The following RBFOX1 variants were observed in gnomAD, a reference collection of about 807,000 sequenced individuals.
The protein encoded by RBFOX1 is RNA binding protein fox-1 homolog 1.
Under a neutral mutation model 57.7 loss-of-function variants are expected in RBFOX1, and 8 were observed. The observed-to-expected ratio is 0.14, with a 90% CI of 0.08 to 0.25. The LOEUF (loss-of-function observed/expected upper bound fraction) is 0.25. Ranked by LOEUF, RBFOX1 falls within the 10% of genes least tolerant of loss-of-function variation. The pLI is 1.00. For missense variants in RBFOX1, 611 were observed against 548.5 expected, an observed-to-expected ratio of 1.11 and a Z score of -1.14; for synonymous variants, 326 against 222.4, an observed-to-expected ratio of 1.47 and a Z score of -4.15.
At chr16:6,500,042 A>G (rs907555722) in intron 2 of RBFOX1, among the ~76,000 whole-genome samples, 7 of 151,988 alleles carry the variant, frequency 4.6e-5, no homozygotes, top group Non-Finnish European at 8.8e-5. Context: ...ACAATGTTTT[A>G]TTTCTTCTTT....
intron 4 of RBFOX1, among the ~76,000 whole-genome samples, chr16:7,419,332 A>T (rs2098516573): frequency 6.6e-6 from 1 of 152,148 alleles, no homozygotes; most frequent in Non-Finnish European, 1.5e-5. Flanking sequence ...GGCATCAAAC[A>T]CAGACAGAAG....
At chr16:6,145,317 A>G (rs1442497693) in intron 1 of RBFOX1, among the ~76,000 whole-genome samples, 2 of 152,100 alleles carry the variant, frequency 1.3e-5, no homozygotes, top group Admixed American at 1.3e-4. Context: ...TTAGTTTGCT[A>G]AGGATAAAGG....
chr16:7,505,921 C>T (rs1040287425), intron 4 of RBFOX1, among the ~76,000 whole-genome samples: 2 of 152,090 alleles, frequency 1.3e-5, no homozygotes, highest in Non-Finnish European at 2.9e-5. Context: ...TGCAGTGGCT[C>T]ATGCCTGTAA....
chr16:5,915,033 G>T (rs2058676191), intron 4 of RBFOX1, among the ~76,000 whole-genome samples: 1 of 152,188 alleles, frequency 6.6e-6, no homozygotes, highest in Admixed American at 6.5e-5. Flanking sequence ...GAAGTAAGTT[G>T]CTATGTTGAG....
At chr16:7,594,334 A>G (rs980139233) in intron 7 of RBFOX1, among the ~76,000 whole-genome samples, 20 of 152,314 alleles carry the variant, frequency 1.3e-4, no homozygotes, top group Non-Finnish European at 2.9e-4. Flanking sequence ...CTTGGAGCCA[A>G]CAAGGATTAT....
At chr16:5,356,111 G>A (rs955009543) in intron 1 of RBFOX1, among the ~76,000 whole-genome samples, 2 of 152,106 alleles carry the variant, frequency 1.3e-5, no homozygotes, top group African/African-American at 4.8e-5. Context: ...AAAGGAAGAC[G>A]TGAGGCATAG....
intron 3 of RBFOX1, among the ~76,000 whole-genome samples, chr16:6,844,107 C>G (rs1249577166): frequency 7.1e-6 from 1 of 139,996 alleles, no homozygotes; most frequent in Admixed American, 7.4e-5. Flanking sequence ...AAGCCACCAT[C>G]ACATCTTCCC....
chr16:7,239,266 A>G (rs373343013), intron 4 of RBFOX1, among the ~76,000 whole-genome samples: 1 of 152,156 alleles, frequency 6.6e-6, no homozygotes, highest in Admixed American at 6.5e-5. Flanking sequence ...TAGGAGGCCA[A>G]GGAGGGTAGA....
At chr16:7,122,972 A>G (rs1214640280) in intron 4 of RBFOX1, among the ~76,000 whole-genome samples, 1 of 152,078 alleles carries the variant, frequency 6.6e-6, no homozygotes, top group African/African-American at 2.4e-5. Context: ...GTATAAATCC[A>G]TTCCTATGAC....
intron 3 of RBFOX1, among the ~76,000 whole-genome samples, chr16:7,010,272 G>C (rs1025011083): frequency 6.6e-6 from 1 of 152,198 alleles, no homozygotes; most frequent in Non-Finnish European, 1.5e-5. Flanking sequence ...CCAGGACCAA[G>C]AGAAAACTGC....
intron 3 of RBFOX1, among the ~76,000 whole-genome samples, chr16:6,989,249 C>T (rs760951583): frequency 6.6e-6 from 1 of 152,004 alleles, no homozygotes; most frequent in Admixed American, 6.6e-5. Context: ...GCATGTATTG[C>T]TTGCATTATT....
chr16:6,380,913 A>T lies in RBFOX1; in HGVS notation c.-64+63856A>T, dbSNP rs781465601. On this transcript the variant is annotated intron_variant, in intron 2 of 15. Coordinates refer to ENST00000550418, the MANE Select transcript of RBFOX1 (RefSeq NM_018723.4). ...TGAGTTTTACCAAGTGGAGGAACAA[A>T]CCAAAGGTCCTCATATTTTTCTGTG... Among the ~76,000 whole-genome samples the T allele has an allele frequency of 6.6e-4, 100 of 152,102 alleles. 1 individual carries two copies. The highest frequency in any genetic ancestry group is 1.3e-3 in the Non-Finnish European group (88 of 68,018).
At chr16:6,874,574 G>C (rs2061504857) in intron 3 of RBFOX1, among the ~76,000 whole-genome samples, 1 of 150,872 alleles carries the variant, frequency 6.6e-6, no homozygotes, top group African/African-American at 2.4e-5. Context: ...TGGATGGAGT[G>C]AGAGGCCGTT....
chr16:6,807,983 G>GTA (rs983584142), intron 3 of RBFOX1, among the ~76,000 whole-genome samples: 31 of 148,252 alleles, frequency 2.1e-4, no homozygotes, highest in Middle Eastern at 7.5e-3. Flanking sequence ...ATTGTACCCT[G>GTA]TATATATATA....
chr16:6,691,605 A>T (rs2060219813), intron 3 of RBFOX1, among the ~76,000 whole-genome samples: 1 of 152,156 alleles, frequency 6.6e-6, no homozygotes, highest in African/African-American at 2.4e-5. Flanking sequence ...AGGAAGAAAG[A>T]ATGTGTGCCT....
chr16:7,406,735 TCA>T (rs1050835084), intron 4 of RBFOX1, among the ~76,000 whole-genome samples: 3 of 152,212 alleles, frequency 2.0e-5, no homozygotes, highest in African/African-American at 7.2e-5. Flanking sequence ...GCTTACAACA[TCA>T]CAGAGTGACT....
intron 14 of RBFOX1, among the ~76,000 whole-genome samples, chr16:7,707,962 A>G (rs1207342082): frequency 3.9e-5 from 6 of 152,212 alleles, no homozygotes; most frequent in Non-Finnish European, 8.8e-5. Flanking sequence ...AGCAGCATTC[A>G]AACTATCTCC....
intron 1 of RBFOX1, chr16:5,260,732 A>G (rs1386437488): frequency 1.3e-5 from 2 of 152,254 alleles, no homozygotes; most frequent in African/African-American, 2.4e-5. Context: ...TCTTGACGTC[A>G]TTCTGCCCTT....
chr16:5,575,514 G>A (rs2046422040), intron 2 of RBFOX1, among the ~76,000 whole-genome samples: 1 of 152,188 alleles, frequency 6.6e-6, no homozygotes, highest in African/African-American at 2.4e-5. Flanking sequence ...CAGTCTGTCT[G>A]GAAAGTGGTA....
Sources: gnomAD v4.1 joint callset for allele counts (sites outside exome capture counted in the v4.1 genomes callset) on GRCh38, gnomAD v4.1.1 for gene constraint, MANE v1.5 for transcripts, NCBI Gene and HGNC (gene_info 2026-07-23, HGNC 2026-07-21) for gene names.